Variants in LYSMD4 observed in about 807,000 individuals in gnomAD.
LYSMD4 encodes lysM and putative peptidoglycan-binding domain-containing protein 4.
Under a neutral mutation model 6.1 loss-of-function variants are expected in LYSMD4, and 9 were observed. That is an observed-to-expected ratio of 1.47 (90% CI 0.88 to 2.56). The LOEUF (loss-of-function observed/expected upper bound fraction) is 2.56. Ranked by LOEUF, LYSMD4 falls within the 30% of genes most tolerant of loss-of-function variation. The pLI, the probability that LYSMD4 is intolerant of heterozygous loss-of-function variation, is 0.00. For missense variants in LYSMD4, 384 were observed against 373.5 expected, an observed-to-expected ratio of 1.03 and a Z score of -0.23; for synonymous variants, 143 against 148.5, an observed-to-expected ratio of 0.96 and a Z score of 0.27.
Position 99,729,196 on chromosome 15 carries a change from C to G in LYSMD4, c.818G>C (p.Arg273Thr), listed in dbSNP as rs148348952. 3 of 1,614,078 alleles carry G rather than the reference C, an allele frequency of 1.9e-6. No homozygotes were observed. The highest frequency in any genetic ancestry group is 1.3e-5 in the African/African-American group (1 of 74,932). The part of the protein sequence containing the change: ...AMGTVPGQAP[R>T]LAVAVPAVTS... The stretch of plus-strand genomic sequence containing the variant: ...GACGGCTGGCACTGCAACTGCTAGT[C>G]TGGGGGCTTGCCCTGGAACTGTACC... The change falls in exon 3 of 3, where the codon AGA (arginine) becomes ACA (threonine). Residue 273 changes from arginine (R) to threonine (T), a missense_variant. Arg to Thr is a moderately conservative substitution (Grantham distance 71). Coordinates refer to ENST00000684762, the MANE Select transcript of LYSMD4 (RefSeq NM_001284417.2).
At chr15:99,732,693 T>C (rs944648194) in intron 1 of LYSMD4, among the ~76,000 whole-genome samples, 2 of 152,212 alleles carry the variant, frequency 1.3e-5, no homozygotes, top group Non-Finnish European at 2.9e-5. Context: ...CTCTCCAGAT[T>C]GTTCGCGTGA....
intron 2 of LYSMD4, chr15:99,731,296 T>A (rs2059403483): frequency 6.3e-7 from 1 of 1,598,568 alleles, no homozygotes; most frequent in South Asian, 1.1e-5. Context: ...TTACCAAAAG[T>A]CAAGTAAGCT....
chr15:99,723,096 A>G (rs1048629140), downstream of LYSMD4, among the ~76,000 whole-genome samples: 2 of 152,140 alleles, frequency 1.3e-5, no homozygotes, highest in African/African-American at 4.8e-5. Flanking sequence ...CAGATACTAC[A>G]GAGGAAAACA....
In LYSMD4 at chr15:99,729,491, G is replaced by T; in HGVS notation, c.523C>A (p.Gln175Lys). The T allele has an allele frequency of 6.2e-7, 1 of 1,614,116 alleles. No homozygotes were observed. Among genetic ancestry groups the T allele is most frequent in the South Asian group, 1.1e-5 (1 of 91,076 alleles). Residue 175 changes from glutamine (Q) to lysine (K), a missense_variant, in exon 3 of 3, where the codon CAG becomes AAG. Physicochemically the swap from Gln to Lys is moderately conservative, Grantham distance 53. Coordinates refer to ENST00000684762, the MANE Select transcript of LYSMD4 (RefSeq NM_001284417.2). ...QLMGFFKGIDQDIERAVQSEI... is the reference protein window; with the variant it reads ...QLMGFFKGIDKDIERAVQSEI... The stretch of plus-strand genomic sequence containing the variant: ...GACTGCACTGCACGCTCAATATCCT[G>T]GTCAATCCCCTTAAAGAAGCCCATC...
downstream of LYSMD4, among the ~76,000 whole-genome samples, chr15:99,722,519 C>T (rs2059244845): frequency 6.6e-6 from 1 of 152,168 alleles, no homozygotes; most frequent in African/African-American, 2.4e-5. Flanking sequence ...AATTACCACA[C>T]ATGTAGAAAA....
chr15:99,726,957 C>T (rs945153830), downstream of LYSMD4, among the ~76,000 whole-genome samples: 2 of 152,194 alleles, frequency 1.3e-5, no homozygotes, highest in African/African-American at 4.8e-5. Flanking sequence ...ACCTCGGGCA[C>T]AGTACAAGCC....
At chr15:99,719,464 C>T (rs536805969), upstream of LYSMD4, among the ~76,000 whole-genome samples, 16 of 152,288 alleles carry the variant, frequency 1.1e-4, no homozygotes, top group East Asian at 3.9e-4. Flanking sequence ...CTCTCTCACC[C>T]GCCCCTAGAG....
rs369863660 is a variant in LYSMD4, at chr15:99,732,948, G to C, written c.-9+397C>G. On this transcript the variant is annotated intron_variant, in intron 1 of 2. Coordinates refer to ENST00000684762, the MANE Select transcript of LYSMD4 (RefSeq NM_001284417.2). ...GGTCACCTGCAGGACCACGGCGGCA[G>C]CCCGGGGACGGGGCCAGCCTTCGCG... 1,017 of 169,000 alleles carry C rather than the reference G, an allele frequency of 6.0e-3. 15 individuals are homozygous for C. Among genetic ancestry groups the C allele is most frequent in the African/African-American group, 0.023 (953 of 42,244 alleles). 10.5% of individuals were successfully genotyped at this position (169,000 alleles called of 1,614,324 possible).
downstream of LYSMD4, among the ~76,000 whole-genome samples, chr15:99,725,817 C>T (rs74033761): frequency 9.2e-4 from 140 of 152,268 alleles, no homozygotes; most frequent in African/African-American, 3.3e-3. Flanking sequence ...ACCCCAAGCC[C>T]ACAGTGGACT....
downstream of LYSMD4, among the ~76,000 whole-genome samples, chr15:99,723,276 G>A (rs568615561): frequency 7.2e-5 from 11 of 152,230 alleles, no homozygotes; most frequent in South Asian, 1.9e-3. Context: ...AAGAAACAAT[G>A]AGCCCCAAAC....
chr15:99,722,671 C>A (rs985352120), downstream of LYSMD4, among the ~76,000 whole-genome samples: 21 of 152,110 alleles, frequency 1.4e-4, no homozygotes, highest in African/African-American at 5.1e-4. Context: ...AATATACAAA[C>A]ACAATGATGA....
chr15:99,725,800 G>A (rs980363937), downstream of LYSMD4, among the ~76,000 whole-genome samples: 1 of 152,086 alleles, frequency 6.6e-6, no homozygotes, highest in Non-Finnish European at 1.5e-5. Flanking sequence ...CATGCCACAG[G>A]TGCCCTACCC....
At chr15:99,717,828 GAAGA>G (rs2059200410), upstream of LYSMD4, 1 of 152,218 alleles carries the variant, frequency 6.6e-6, no homozygotes, top group Non-Finnish European at 1.5e-5. Context: ...CGCAGCTGTG[GAAGA>G]AAGAAAGCAG....
intron 1 of LYSMD4, among the ~76,000 whole-genome samples, 169 bp from the exon 2 acceptor site, chr15:99,732,176 G>A (rs529996374): frequency 6.6e-5 from 10 of 152,316 alleles, no homozygotes; most frequent in African/African-American, 2.2e-4. Flanking sequence ...GGCTGAGATG[G>A]AAGAAGATAG....
At chr15:99,722,060 C>T (rs1277553345), upstream of LYSMD4, among the ~76,000 whole-genome samples, 1 of 152,062 alleles carries the variant, frequency 6.6e-6, no homozygotes, top group African/African-American at 2.4e-5. Flanking sequence ...CTGGCCTGTA[C>T]ATGCATGTGA....
chr15:99,725,882 C>T (rs527290502), downstream of LYSMD4, among the ~76,000 whole-genome samples: 1 of 152,134 alleles, frequency 6.6e-6, no homozygotes, highest in South Asian at 2.1e-4. Flanking sequence ...CCAAACACCC[C>T]CATTTACCAG....
chr15:99,726,830 C>T (rs1196264241), downstream of LYSMD4, among the ~76,000 whole-genome samples: 1 of 152,162 alleles, frequency 6.6e-6, no homozygotes, highest in Non-Finnish European at 1.5e-5. Flanking sequence ...TAGGAAGTAT[C>T]GTGGTTATTT....
chr15:99,732,511 G>C (rs1453342948), intron 1 of LYSMD4, among the ~76,000 whole-genome samples: 1 of 152,226 alleles, frequency 6.6e-6, no homozygotes, highest in Non-Finnish European at 1.5e-5. Flanking sequence ...CTCTTACTTT[G>C]ACACAGTTTA....
At chr15:99,716,740 C>T (rs756463860) in exon 1 of LYSMD4, 14 of 454,834 alleles carry the variant, frequency 3.1e-5, no homozygotes, top group African/African-American at 2.2e-4. Context: ...GCCACGCAGT[C>T]CCACCGGGGC....
Sources: allele counts gnomAD v4.1 joint callset (sites outside exome capture counted in the v4.1 genomes callset), GRCh38; gene constraint gnomAD v4.1.1; transcripts MANE v1.5; gene names NCBI Gene and HGNC (gene_info 2026-07-23, HGNC 2026-07-21).